Variants in JADE3 observed in about 807,000 individuals in gnomAD.
JADE3 encodes protein Jade-3.
A neutral mutation model predicts 50.1 loss-of-function variants in JADE3; 2 were observed. That is an observed-to-expected ratio of 0.04 (90% CI 0.02 to 0.13). JADE3 has a LOEUF of 0.13. Ranked by LOEUF, JADE3 falls within the 10% of genes least tolerant of loss-of-function variation. The probability of loss-of-function intolerance (pLI) is 1.00; values close to 1 mark genes in which losing one functional copy is unlikely to be tolerated. For missense variants in JADE3, 475 were observed against 634.4 expected, an observed-to-expected ratio of 0.75 and a Z score of 2.70; for synonymous variants, 218 against 232.9, an observed-to-expected ratio of 0.94 and a Z score of 0.58.
intron 4 of JADE3, among the ~76,000 whole-genome samples, chrX:47,017,296 A>C (rs1928695793): frequency 8.9e-6 from 1 of 112,042 alleles, no homozygotes; most frequent in Non-Finnish European, 1.9e-5. Context: ...AGTGAGTTCA[A>C]CAAATAAAGA....
intron 8 of JADE3, among the ~76,000 whole-genome samples, chrX:47,050,977 T>C (rs781891194): frequency 8.9e-6 from 1 of 112,198 alleles, no homozygotes; most frequent in African/African-American, 3.2e-5. Flanking sequence ...ACTTTCATCA[T>C]CCTCATTTTC....
intron 1 of JADE3, among the ~76,000 whole-genome samples, chrX:46,956,144 A>G (rs1418248541): frequency 9.0e-6 from 1 of 111,545 alleles, no homozygotes; most frequent in Non-Finnish European, 1.9e-5. Flanking sequence ...GGCTCACTGA[A>G]ACCTCTGCCT....
intron 1 of JADE3, among the ~76,000 whole-genome samples, chrX:46,931,828 A>G (rs1361417928): frequency 8.9e-6 from 1 of 112,090 alleles, no homozygotes; most frequent in Non-Finnish European, 1.9e-5. Flanking sequence ...TTACTATGTG[A>G]AAAGAAGTTT....
At chrX:46,973,768 A>G (rs1294245138) in intron 1 of JADE3, among the ~76,000 whole-genome samples, 4 of 112,686 alleles carry the variant, frequency 3.5e-5, no homozygotes, top group Non-Finnish European at 7.5e-5. Context: ...ACACATTTAT[A>G]GCATTCATGA....
rs1280570036 is a variant in JADE3, at chrX:47,060,680, A to G, written c.*1603A>G. ...TGTACATGTGTAAACATGCCATAGC[A>G]TGTGTGGTAGGTGTCCTGTATTTTG... On this transcript the variant is annotated 3_prime_UTR_variant, in exon 11 of 11. Coordinates refer to ENST00000614628, the MANE Select transcript of JADE3 (RefSeq NM_014735.5). 1 of 112,379 alleles carries G rather than the reference A, an allele frequency of 8.9e-6. No homozygotes were observed. Among genetic ancestry groups the G allele is most frequent in the Non-Finnish European group, 1.9e-5 (1 of 53,323 alleles). 9.3% of individuals were successfully genotyped at this position (112,379 alleles called of 1,213,427 possible). A position where few individuals can be genotyped will look rare whatever the true frequency, so the allele number is the denominator to read the frequency against.
intron 8 of JADE3, among the ~76,000 whole-genome samples, chrX:47,040,850 A>ACCC (rs1349700384): frequency 4.9e-4 from 55 of 111,483 alleles, no homozygotes; most frequent in Non-Finnish European, 1.9e-4. Context: ...CTTCCAAGGA[A>ACCC]CCCAGGGTCT....
At chrX:46,991,186 G>A (rs1556355880) in intron 3 of JADE3, among the ~76,000 whole-genome samples, 1 of 103,999 alleles carries the variant, frequency 9.6e-6, no homozygotes, top group East Asian at 3.1e-4. Flanking sequence ...CTACGTTCAA[G>A]CGATTCTCCT....
At chrX:46,991,556 G>T (rs1556355969) in intron 3 of JADE3, among the ~76,000 whole-genome samples, 1 of 111,593 alleles carries the variant, frequency 9.0e-6, no homozygotes. Context: ...GTTTTCAGTT[G>T]TCTTGACTAT....
At chrX:47,033,847 G>C (rs5906311) in intron 7 of JADE3, 59 bp downstream of exon 7, 1 of 1,017,174 alleles carries the variant, frequency 9.8e-7, no homozygotes, top group Non-Finnish European at 1.3e-6. Context: ...GTTCCCCACA[G>C]CATTCAGACT....
chrX:46,957,724 G>A lies in JADE3; in HGVS notation c.-11-27160G>A, dbSNP rs782617379. 5.2e-4 allele frequency among the ~76,000 whole-genome samples: 58 copies of A among 112,022 alleles called. 3 individuals carry two copies. The South Asian group carries it at 0.019, about 37-fold the overall frequency. ...TTGTGTTAAGCCACTCAGATTTTAG[G>A]TTCCTTTTGTTACCTTGGCAAACTT... On this transcript the variant is annotated intron_variant, in intron 1 of 10. Coordinates refer to ENST00000614628, the MANE Select transcript of JADE3 (RefSeq NM_014735.5).
chrX:46,923,242 T>TGGGTTCA (rs1203089897), intron 1 of JADE3, among the ~76,000 whole-genome samples: 1 of 108,285 alleles, frequency 9.2e-6, no homozygotes, highest in Admixed American at 9.9e-5. Context: ...CTGGAACTCC[T>TGGGTTCA]GGGTTCAGGT....
chrX:47,029,634 A>C (rs782723855), intron 6 of JADE3, among the ~76,000 whole-genome samples: 2 of 112,192 alleles, frequency 1.8e-5, no homozygotes, highest in Non-Finnish European at 3.8e-5. Flanking sequence ...TGGGCCTCTT[A>C]ACCTAACCAC....
intron 1 of JADE3, among the ~76,000 whole-genome samples, chrX:46,955,164 G>A (rs1190296231): frequency 3.6e-5 from 4 of 112,486 alleles, no homozygotes; most frequent in African/African-American, 1.3e-4. Flanking sequence ...TCATAGAAGT[G>A]ATACTTGTTT....
intron 8 of JADE3, among the ~76,000 whole-genome samples, chrX:47,040,517 G>T (rs1434734683): frequency 8.9e-6 from 1 of 111,926 alleles, no homozygotes; most frequent in African/African-American, 3.2e-5. Flanking sequence ...TCGTCTAGTT[G>T]CAGGAAAACA....
chrX:47,013,522 G>C (rs1556362226), intron 4 of JADE3, among the ~76,000 whole-genome samples: 2 of 112,113 alleles, frequency 1.8e-5, no homozygotes, highest in African/African-American at 3.2e-5. Context: ...TCAAGGTCAA[G>C]ACACTTTTGT....
chrX:46,994,392 G>C (rs782239573), intron 3 of JADE3, among the ~76,000 whole-genome samples: 2 of 112,022 alleles, frequency 1.8e-5, no homozygotes, highest in Admixed American at 9.5e-5. Context: ...CAGTTATCTG[G>C]TAAGTACAAA....
intron 1 of JADE3, among the ~76,000 whole-genome samples, chrX:46,962,941 C>G (rs782182898): frequency 9.1e-6 from 1 of 109,504 alleles, no homozygotes; most frequent in South Asian, 4.0e-4. Flanking sequence ...CAGGTTCAAA[C>G]GATTCTCCTG....
At chrX:47,049,634 C>T (rs1424247738) in intron 8 of JADE3, among the ~76,000 whole-genome samples, 2 of 106,519 alleles carry the variant, frequency 1.9e-5, no homozygotes, top group East Asian at 6.0e-4. Context: ...TTTGTAGAGA[C>T]AGGGTTTCGT....
At chrX:46,967,068 A>G (rs1556349225) in intron 1 of JADE3, among the ~76,000 whole-genome samples, 1 of 112,328 alleles carries the variant, frequency 8.9e-6, no homozygotes. Context: ...TTCAATTCCT[A>G]ACAGTTTTCC....
Sources: gnomAD v4.1 joint callset for allele counts (sites outside exome capture counted in the v4.1 genomes callset) on GRCh38, gnomAD v4.1.1 for gene constraint, MANE v1.5 for transcripts, NCBI Gene and HGNC (gene_info 2026-07-23, HGNC 2026-07-21) for gene names.